LARGE1: variants seen among roughly 807,000 people sequenced by gnomAD.
LARGE1 encodes LARGE xylosyl- and glucuronyltransferase 1, also known as xylosyl- and glucuronyltransferase LARGE1.
LARGE1 carries 43 observed loss-of-function variants against 87.6 expected under a neutral mutation model. The observed-to-expected ratio is 0.49, with a 90% CI of 0.38 to 0.63. The LOEUF is 0.63. LARGE1 is among the 30% of genes least tolerant of loss of function. The probability of loss-of-function intolerance (pLI) is 0.00; values close to 1 mark genes in which losing one functional copy is unlikely to be tolerated. For synonymous variants in LARGE1, 434 were observed against 394.6 expected, an observed-to-expected ratio of 1.10 and a Z score of -1.18; for missense variants, 802 against 1,000.2, an observed-to-expected ratio of 0.80 and a Z score of 2.67.
At chr22:33,795,573 C>G (rs148874674) in intron 1 of LARGE1, among the ~76,000 whole-genome samples, 4 of 152,044 alleles carry the variant, frequency 2.6e-5, no homozygotes, top group Non-Finnish European at 5.9e-5. Context: ...ATGTTTACTG[C>G]GGCACTATTC....
At chr22:33,710,103 A>G (rs931761072) in intron 2 of LARGE1, among the ~76,000 whole-genome samples, 3 of 152,092 alleles carry the variant, frequency 2.0e-5, no homozygotes, top group Non-Finnish European at 4.4e-5. Context: ...GAGTAGCTAT[A>G]CGAGCAAAGA....
At chr22:33,529,150 T>C (rs1452684795) in intron 6 of LARGE1, among the ~76,000 whole-genome samples, 2 of 152,232 alleles carry the variant, frequency 1.3e-5, no homozygotes, top group African/African-American at 4.8e-5. Flanking sequence ...CTATAAAGAA[T>C]TGGGAAGGGA....
chr22:33,308,501 G>A (rs149812188), intron 11 of LARGE1, among the ~76,000 whole-genome samples: 2 of 152,266 alleles, frequency 1.3e-5, no homozygotes, highest in East Asian at 3.9e-4. Context: ...TTACAAAATA[G>A]CTATCAATCG....
intron 12 of LARGE1, among the ~76,000 whole-genome samples, chr22:33,290,589 C>T (rs1375919279): frequency 6.6e-6 from 1 of 152,142 alleles, no homozygotes; most frequent in Non-Finnish European, 1.5e-5. Context: ...GGAGGAGTCA[C>T]CGGCAGTTGG....
At chr22:33,787,810 A>G (rs1247851914) in intron 1 of LARGE1, among the ~76,000 whole-genome samples, 2 of 152,228 alleles carry the variant, frequency 1.3e-5, no homozygotes, top group Non-Finnish European at 2.9e-5. Context: ...GTTTCCATTC[A>G]GATAGCTTTT....
chr22:33,816,303 C>A (rs566692436), intron 1 of LARGE1, among the ~76,000 whole-genome samples: 1 of 152,122 alleles, frequency 6.6e-6, no homozygotes, highest in African/African-American at 2.4e-5. Context: ...AAACAAAATG[C>A]CACCGACTAG....
At chr22:33,838,265 A>G (rs1197539256) in intron 1 of LARGE1, among the ~76,000 whole-genome samples, 1 of 152,202 alleles carries the variant, frequency 6.6e-6, no homozygotes, top group Non-Finnish European at 1.5e-5. Context: ...CTGACATTCT[A>G]TGTGGGGACT....
At chr22:33,198,906 T>C (rs1257034904) in intron 11 of LARGE1, among the ~76,000 whole-genome samples, 1 of 152,164 alleles carries the variant, frequency 6.6e-6, no homozygotes, top group Non-Finnish European at 1.5e-5. Flanking sequence ...TTTTAGTTCT[T>C]TGAAAAATTT....
chr22:33,162,977 A>G (rs951082329), exon 12 of LARGE1: 1 of 152,220 alleles, frequency 6.6e-6, no homozygotes, highest in Non-Finnish European at 1.5e-5. Context: ...GCCGGTACCC[A>G]CAAATAGAGG....
At chr22:33,807,746 G>A (rs1470297705) in intron 1 of LARGE1, among the ~76,000 whole-genome samples, 1 of 152,148 alleles carries the variant, frequency 6.6e-6, no homozygotes, top group East Asian at 1.9e-4. Flanking sequence ...GTCACAGTTG[G>A]AAAACAGTAA....
At chr22:33,280,392 T>C (rs1347033805) in intron 13 of LARGE1, among the ~76,000 whole-genome samples, 2 of 152,026 alleles carry the variant, frequency 1.3e-5, no homozygotes, top group South Asian at 2.1e-4. Context: ...AGATATGATG[T>C]CAATTCCTGG....
intron 6 of LARGE1, among the ~76,000 whole-genome samples, chr22:33,448,225 T>C (rs2067768667): frequency 6.6e-6 from 1 of 152,170 alleles, no homozygotes; most frequent in Non-Finnish European, 1.5e-5. Context: ...GATTGCACCC[T>C]TTAAAACTGT....
intron 5 of LARGE1, among the ~76,000 whole-genome samples, chr22:33,601,374 A>G (rs2079108612): frequency 6.6e-6 from 1 of 152,078 alleles, no homozygotes; most frequent in African/African-American, 2.4e-5. Context: ...GACAAAGATG[A>G]GCTCTCAGTT....
intron 14 of LARGE1, among the ~76,000 whole-genome samples, chr22:33,275,603 C>T (rs1461949501): frequency 1.3e-5 from 2 of 152,190 alleles, no homozygotes; most frequent in East Asian, 3.8e-4. Context: ...ACCCCACCAA[C>T]CGCACTAGCC....
At chr22:33,812,263 A>G (rs2086519491) in intron 1 of LARGE1, among the ~76,000 whole-genome samples, 1 of 152,210 alleles carries the variant, frequency 6.6e-6, no homozygotes, top group African/African-American at 2.4e-5. Context: ...GTATGCTCTA[A>G]AACATATTGG....
intron 1 of LARGE1, among the ~76,000 whole-genome samples, chr22:33,810,727 CTT>C (rs200170340): frequency 1.0e-4 from 15 of 143,068 alleles, no homozygotes; most frequent in Admixed American, 2.8e-4. Context: ...GGATGAATTT[CTT>C]TTTTTTTTTT....
chr22:33,642,712 A>C (rs750144166), intron 3 of LARGE1, among the ~76,000 whole-genome samples: 3 of 120,614 alleles, frequency 2.5e-5, no homozygotes, highest in Admixed American at 1.8e-4. Context: ...ATGGAAAGCA[A>C]AAAAAAAAAA....
chr22:33,499,934 T>C (rs2070348256), intron 6 of LARGE1, among the ~76,000 whole-genome samples: 1 of 152,086 alleles, frequency 6.6e-6, no homozygotes, highest in Non-Finnish European at 1.5e-5. Flanking sequence ...ACACCATGTT[T>C]GGCTACATTT....
intron 1 of LARGE1, among the ~76,000 whole-genome samples, chr22:33,826,662 CAT>C (rs2062797786): frequency 6.6e-6 from 1 of 152,018 alleles, no homozygotes; most frequent in Non-Finnish European, 1.5e-5. Context: ...TATAAGGAGA[CAT>C]GTGATTGCCT....
Sources: gnomAD v4.1 joint callset for allele counts (sites outside exome capture counted in the v4.1 genomes callset) on GRCh38, gnomAD v4.1.1 for gene constraint, MANE v1.5 for transcripts, NCBI Gene and HGNC (gene_info 2026-07-23, HGNC 2026-07-21) for gene names.